The following NEO1 variants were observed in gnomAD, a reference collection of about 807,000 sequenced individuals.
NEO1 encodes neogenin.
Under a neutral mutation model 159.7 loss-of-function variants are expected in NEO1, and 63 were observed. That is an observed-to-expected ratio of 0.39 (90% CI 0.32 to 0.49). The LOEUF (loss-of-function observed/expected upper bound fraction) is 0.49. Among genes scored for constraint, NEO1 ranks in the 20% least tolerant of loss-of-function variants. The pLI is 0.85. For synonymous variants in NEO1, 633 were observed against 662.0 expected (o/e 0.96, Z 0.67); for missense variants, 1,615 against 1,831.0 (o/e 0.88, Z 2.15).
At chr15:73,212,136 C>T (rs926666735) in intron 7 of NEO1, among the ~76,000 whole-genome samples, 5 of 152,182 alleles carry the variant, frequency 3.3e-5, no homozygotes, top group African/African-American at 7.2e-5. Context: ...TTCTTGCAGT[C>T]ATCTCTGAGC....
chr15:73,174,099 C>CAAA (rs35792534), intron 5 of NEO1, among the ~76,000 whole-genome samples: 9 of 143,198 alleles, frequency 6.3e-5, no homozygotes, highest in African/African-American at 2.1e-4. Context: ...GACTCCATCT[C>CAAA]AAAAAAAAAA....
chr15:73,149,279 C>T (rs1346150720), intron 5 of NEO1, among the ~76,000 whole-genome samples: 1 of 151,106 alleles, frequency 6.6e-6, no homozygotes, highest in Non-Finnish European at 1.5e-5. Flanking sequence ...TGCGCCATTG[C>T]ACTCCAGCCT....
chr15:73,260,147 G>T, intron 14 of NEO1, 124 bp from the exon 15 acceptor site: 1 of 671,954 alleles, frequency 1.5e-6, no homozygotes, highest in Non-Finnish European at 2.4e-6. Flanking sequence ...TTGAACTCTT[G>T]GGCATAATGT....
chr15:73,111,433 T>G (rs1388000885), intron 1 of NEO1, among the ~76,000 whole-genome samples: 1 of 152,206 alleles, frequency 6.6e-6, no homozygotes, highest in Non-Finnish European at 1.5e-5. Context: ...ACTATTTTTA[T>G]GTAAAATATT....
At chr15:73,175,786 T>G (rs537378689) in intron 5 of NEO1, among the ~76,000 whole-genome samples, 1 of 152,332 alleles carries the variant, frequency 6.6e-6, no homozygotes, top group South Asian at 2.1e-4. Flanking sequence ...ATCTATTATT[T>G]GTAAGTTAGC....
intron 7 of NEO1, among the ~76,000 whole-genome samples, chr15:73,197,846 A>G (rs1436506578): frequency 6.6e-6 from 1 of 151,638 alleles, no homozygotes; most frequent in Non-Finnish European, 1.5e-5. Context: ...ATGCCTGGCT[A>G]ATTTTTGTAT....
Position 73,190,729 on chromosome 15 carries a change from T to TA in NEO1, c.1291+12304dup, listed in dbSNP as rs200231810. ...CAGTTATTTTGCTTTTTTGTAACGG[T>TA]AATTATAACTTTAGGGAGAGTTTTA... On this transcript the variant is annotated intron_variant, in intron 7 of 28. Transcript: ENST00000261908. Among the ~76,000 whole-genome samples, 704 of 152,214 alleles carry TA rather than the reference T, an allele frequency of 4.6e-3. 22 individuals carry two copies. The highest frequency in any genetic ancestry group is 0.034 in the Admixed American group (517 of 15,280).
intron 7 of NEO1, 173 bp from the exon 8 acceptor site, chr15:73,236,174 T>C: frequency 3.6e-6 from 3 of 827,762 alleles, no homozygotes; most frequent in Non-Finnish European, 5.6e-6. Context: ...CATTTTATTT[T>C]ATTTCCCATC....
At chr15:73,257,391 T>C (rs1327952756) in intron 13 of NEO1, among the ~76,000 whole-genome samples, 1 of 152,144 alleles carries the variant, frequency 6.6e-6, no homozygotes, top group East Asian at 1.9e-4. Flanking sequence ...AGAAAATTCT[T>C]ACATTTTAAA....
intron 1 of NEO1, among the ~76,000 whole-genome samples, chr15:73,085,932 GTTTGAAA>G (rs2069332575): frequency 6.6e-6 from 1 of 152,056 alleles, no homozygotes. Flanking sequence ...CACAGCAAAA[GTTTGAAA>G]TTTAGTGAGG....
At chr15:73,156,613 C>T (rs1006777406) in intron 5 of NEO1, among the ~76,000 whole-genome samples, 1 of 152,202 alleles carries the variant, frequency 6.6e-6, no homozygotes, top group South Asian at 2.1e-4. Context: ...ATGGGCTGTG[C>T]ATGTCAGCCT....
intron 1 of NEO1, among the ~76,000 whole-genome samples, chr15:73,073,525 C>G (rs990591749): frequency 6.6e-6 from 1 of 151,968 alleles, no homozygotes; most frequent in Non-Finnish European, 1.5e-5. Flanking sequence ...TTTAAGTATG[C>G]AAGGAAAATG....
At chr15:73,229,849 A>G (rs2038806823) in intron 7 of NEO1, among the ~76,000 whole-genome samples, 1 of 152,020 alleles carries the variant, frequency 6.6e-6, no homozygotes, top group African/African-American at 2.4e-5. Context: ...TTGATTTTGG[A>G]ACATTAAACT....
intron 7 of NEO1, among the ~76,000 whole-genome samples, chr15:73,211,869 T>G (rs1290895167): frequency 6.6e-6 from 1 of 152,194 alleles, no homozygotes; most frequent in Non-Finnish European, 1.5e-5. Flanking sequence ...TTGTGATAGT[T>G]CTTCAGTCTT....
chr15:73,095,948 T>C (rs2070002250), intron 1 of NEO1, among the ~76,000 whole-genome samples: 1 of 152,184 alleles, frequency 6.6e-6, no homozygotes, highest in South Asian at 2.1e-4. Flanking sequence ...CAGTATGAAT[T>C]CTGCTAAAAT....
chr15:73,134,857 C>A (rs375113899), intron 4 of NEO1, among the ~76,000 whole-genome samples: 38 of 152,012 alleles, frequency 2.5e-4, no homozygotes, highest in Admixed American at 2.4e-3. Context: ...ATAATCAGAA[C>A]GTTTTTTAAT....
chr15:73,299,371 A>G (rs2042512044), intron 27 of NEO1, among the ~76,000 whole-genome samples: 1 of 152,110 alleles, frequency 6.6e-6, no homozygotes, highest in African/African-American at 2.4e-5. Context: ...ATTTTTATGA[A>G]AAACAACTAT....
chr15:73,260,611 A>G, intron 15 of NEO1, 146 bp downstream of exon 15: 1 of 747,820 alleles, frequency 1.3e-6, no homozygotes, highest in African/African-American at 1.8e-5. Flanking sequence ...CCCAAATGTT[A>G]ACATTTAACC....
chr15:73,136,477 G>A (rs1390964489), intron 5 of NEO1, among the ~76,000 whole-genome samples: 3 of 152,096 alleles, frequency 2.0e-5, no homozygotes, highest in Non-Finnish European at 2.9e-5. Flanking sequence ...TGATGAAGAC[G>A]TCTCTGTTCT....
Sources: allele counts gnomAD v4.1 joint callset (sites outside exome capture counted in the v4.1 genomes callset), GRCh38; gene constraint gnomAD v4.1.1; transcripts MANE v1.5; gene names NCBI Gene and HGNC (gene_info 2026-07-23, HGNC 2026-07-21).